Variants in TAFA1 observed in about 807,000 individuals in gnomAD.
The protein encoded by TAFA1 is TAFA chemokine like family member 1.
TAFA1 carries 4 observed loss-of-function variants against 18.5 expected under a neutral mutation model. The observed-to-expected ratio is 0.22, with a 90% CI of 0.11 to 0.49. TAFA1 has a LOEUF of 0.49. Among genes scored for constraint, TAFA1 ranks in the 20% least tolerant of loss-of-function variants. The probability of loss-of-function intolerance (pLI) is 0.98; values close to 1 mark genes in which losing one functional copy is unlikely to be tolerated. For synonymous variants in TAFA1, 56 were observed against 55.2 expected (o/e 1.01, Z -0.06); for missense variants, 147 against 169.0 (o/e 0.87, Z 0.72).
chr3:68,332,158 C>T lies in TAFA1; in HGVS notation c.119-85122C>T, dbSNP rs527364675. 2.7e-3 allele frequency among the ~76,000 whole-genome samples: 409 copies of T among 151,468 alleles called. 3 individuals carry two copies. Among genetic ancestry groups the T allele is most frequent in the Middle Eastern group, 6.9e-3 (2 of 290 alleles). ...GATTACAGGTGTGAGCCACCGCGCC[C>T]GGCCAAGGATAGTCTTTTCAATAAA... is the stretch of plus-strand genomic sequence containing the variant. On this transcript the variant is annotated intron_variant, in intron 2 of 4. Coordinates refer to ENST00000478136, the MANE Select transcript of TAFA1 (RefSeq NM_213609.4).
chr3:68,336,113 TG>T (rs1158680822), intron 2 of TAFA1, among the ~76,000 whole-genome samples: 2 of 152,242 alleles, frequency 1.3e-5, no homozygotes, highest in Non-Finnish European at 2.9e-5. Context: ...CTCTGATCAT[TG>T]GCTTTCTAAT....
chr3:68,114,731 T>G (rs567209955), intron 2 of TAFA1, among the ~76,000 whole-genome samples: 1 of 152,368 alleles, frequency 6.6e-6, no homozygotes, highest in African/African-American at 2.4e-5. Context: ...TATGTGCATT[T>G]GTATACTAAG....
chr3:68,419,736 A>G (rs1575850741), intron 3 of TAFA1, among the ~76,000 whole-genome samples: 2 of 152,134 alleles, frequency 1.3e-5, no homozygotes, highest in Non-Finnish European at 2.9e-5. Flanking sequence ...AGATCGATTC[A>G]TGTTATGTAT....
intron 2 of TAFA1, among the ~76,000 whole-genome samples, chr3:68,188,973 C>G (rs1322565374): frequency 1.3e-5 from 2 of 151,854 alleles, no homozygotes; most frequent in African/African-American, 4.8e-5. Flanking sequence ...TAGGTCCAGA[C>G]TGGTCAGCAG....
At chr3:68,478,115 G>A (rs146254598) in intron 3 of TAFA1, among the ~76,000 whole-genome samples, 29 of 152,288 alleles carry the variant, frequency 1.9e-4, no homozygotes, top group Non-Finnish European at 3.7e-4. Context: ...ATGGGCAGAC[G>A]TATTCCTTGT....
At chr3:68,277,521 C>G (rs576637909) in intron 2 of TAFA1, among the ~76,000 whole-genome samples, 1 of 152,100 alleles carries the variant, frequency 6.6e-6, no homozygotes. Flanking sequence ...AGGTGCTCCC[C>G]GAATCTGAGC....
At chr3:68,303,967 A>T (rs996210109) in intron 2 of TAFA1, among the ~76,000 whole-genome samples, 2 of 152,194 alleles carry the variant, frequency 1.3e-5, no homozygotes, top group Non-Finnish European at 2.9e-5. Context: ...CACCCACCAT[A>T]CAGTGCTTGC....
At chr3:68,241,758 C>T in intron 2 of TAFA1, among the ~76,000 whole-genome samples, 1 of 152,182 alleles carries the variant, frequency 6.6e-6, no homozygotes, top group Non-Finnish European at 1.5e-5. Flanking sequence ...GGCAGGCACA[C>T]TAGCATCCCA....
At chr3:68,544,018 C>G (rs748697133) in intron 4 of TAFA1, among the ~76,000 whole-genome samples, 10 of 152,010 alleles carry the variant, frequency 6.6e-5, no homozygotes, top group Admixed American at 5.9e-4. Context: ...AATAACTTAC[C>G]CAGTTCAAAT....
chr3:68,307,886 G>A (rs564217113), intron 2 of TAFA1, among the ~76,000 whole-genome samples: 6 of 152,212 alleles, frequency 3.9e-5, no homozygotes, highest in African/African-American at 1.2e-4. Context: ...GTGTGCAAGA[G>A]ACTCATAACT....
chr3:68,088,978 G>A (rs1055492234), intron 2 of TAFA1, among the ~76,000 whole-genome samples: 4 of 152,098 alleles, frequency 2.6e-5, no homozygotes, highest in Non-Finnish European at 5.9e-5. Flanking sequence ...ATAACTCTAC[G>A]GTTTTTGGCC....
At chr3:68,440,852 T>TGG (rs2071362031) in intron 3 of TAFA1, among the ~76,000 whole-genome samples, 2 of 152,168 alleles carry the variant, frequency 1.3e-5, no homozygotes, top group Non-Finnish European at 2.9e-5. Flanking sequence ...GTAACCCCCT[T>TGG]CTTAGCCTGT....
At chr3:68,115,205 G>A (rs1487012764) in intron 2 of TAFA1, among the ~76,000 whole-genome samples, 1 of 152,044 alleles carries the variant, frequency 6.6e-6, no homozygotes, top group African/African-American at 2.4e-5. Flanking sequence ...TTTGCTATAC[G>A]GTAATTAATT....
At chr3:68,145,310 C>T in intron 2 of TAFA1, 1 of 791,780 alleles carries the variant, frequency 1.3e-6, no homozygotes, top group Non-Finnish European at 2.3e-6. Context: ...TGAGACAGTC[C>T]AGCCAATTAT....
chr3:68,406,769 T>C (rs1427292886), intron 2 of TAFA1, among the ~76,000 whole-genome samples: 1 of 152,158 alleles, frequency 6.6e-6, no homozygotes, highest in Non-Finnish European at 1.5e-5. Flanking sequence ...ATTACATGAG[T>C]TCCCTTTCCT....
intron 2 of TAFA1, among the ~76,000 whole-genome samples, chr3:68,230,111 T>C (rs1289012057): frequency 6.6e-6 from 1 of 152,210 alleles, no homozygotes; most frequent in Non-Finnish European, 1.5e-5. Context: ...GATTTCTTTG[T>C]GTTAGGAACA....
At chr3:68,130,199 T>G (rs2065520233) in intron 2 of TAFA1, among the ~76,000 whole-genome samples, 1 of 152,206 alleles carries the variant, frequency 6.6e-6, no homozygotes, top group Non-Finnish European at 1.5e-5. Context: ...CAGCCATTCA[T>G]TTAAGAAGCT....
At chr3:68,103,804 A>T (rs2065175450) in intron 2 of TAFA1, among the ~76,000 whole-genome samples, 1 of 152,166 alleles carries the variant, frequency 6.6e-6, no homozygotes, top group Non-Finnish European at 1.5e-5. Context: ...CACAACCTTC[A>T]GTTCTCATTG....
At chr3:68,022,844 A>ATATATATATTATATATAATATATATATAT (rs1575578535) in intron 2 of TAFA1, among the ~76,000 whole-genome samples, 71 of 2,554 alleles carry the variant, frequency 0.028, no homozygotes, top group South Asian at 0.083. Flanking sequence ...TATATATATT[A>ATATATATATTATATATAATATATATATAT]TATATATATA....
Sources: allele counts gnomAD v4.1 joint callset (sites outside exome capture counted in the v4.1 genomes callset), GRCh38; gene constraint gnomAD v4.1.1; transcripts MANE v1.5; gene names NCBI Gene and HGNC (gene_info 2026-07-23, HGNC 2026-07-21).